The following ITGA8 variants were observed in gnomAD, a reference collection of about 807,000 sequenced individuals.
The protein encoded by ITGA8 is integrin subunit alpha 8, also known as integrin alpha-8.
ITGA8 carries 91 observed loss-of-function variants against 142.3 expected under a neutral mutation model. The observed-to-expected ratio is 0.64, with a 90% CI of 0.54 to 0.76. The LOEUF is 0.76. Ranked by LOEUF, ITGA8 falls within the 30% of genes least tolerant of loss-of-function variation. ITGA8 has a pLI of 0.00. For missense variants in ITGA8, 1,406 were observed against 1,327.7 expected (o/e 1.06, Z -0.92); for synonymous variants, 505 against 485.2 (o/e 1.04, Z -0.54).
intron 8 of ITGA8, among the ~76,000 whole-genome samples, chr10:15,662,531 G>T (rs912194039): frequency 5.9e-5 from 9 of 151,738 alleles, no homozygotes; most frequent in African/African-American, 2.2e-4. Context: ...TAGAGACAGG[G>T]TCTCACTATG....
At chr10:15,547,175 C>T (rs891121936) in intron 27 of ITGA8, among the ~76,000 whole-genome samples, 4 of 152,038 alleles carry the variant, frequency 2.6e-5, no homozygotes, top group South Asian at 2.1e-4. Context: ...AAAAAAATTC[C>T]TCCCCAAACA....
At chr10:15,536,774 C>T (rs764624342) in intron 27 of ITGA8, among the ~76,000 whole-genome samples, 13 of 152,184 alleles carry the variant, frequency 8.5e-5, no homozygotes, top group Non-Finnish European at 1.5e-4. Flanking sequence ...CTGTCTCTAT[C>T]ATGCACTTTT....
chr10:15,687,795 GT>G (rs1469098740), intron 3 of ITGA8, 142 bp downstream of exon 3: 1 of 550,696 alleles, frequency 1.8e-6, no homozygotes, highest in Admixed American at 3.1e-5. Flanking sequence ...TAAGCATTTA[GT>G]TGCTTTTAAA....
At chr10:15,549,199 C>CTTTTTTTTTTTTTTTTTTTTTTTTTTTTT (rs1564346419) in intron 26 of ITGA8, among the ~76,000 whole-genome samples, 1 of 48,848 alleles carries the variant, frequency 2.0e-5, no homozygotes, top group African/African-American at 8.7e-5. Context: ...CTTTTCTTTT[C>CTTTTTTTTTTTTTTTTTTTTTTTTTTTTT]TGTTTTTTTT....
chr10:15,625,587 G>C (rs1429483261), intron 13 of ITGA8, among the ~76,000 whole-genome samples: 1 of 152,146 alleles, frequency 6.6e-6, no homozygotes, highest in Non-Finnish European at 1.5e-5. Context: ...CTGACACCTA[G>C]CCTGACAGAT....
chr10:15,699,557 T>G (rs796677860), intron 2 of ITGA8, among the ~76,000 whole-genome samples: 6 of 152,326 alleles, frequency 3.9e-5, no homozygotes, highest in East Asian at 1.9e-4. Context: ...GTCTACATTT[T>G]ATTTATCCAT....
chr10:15,662,354 T>TA (rs869229206), intron 8 of ITGA8, among the ~76,000 whole-genome samples: 3 of 137,380 alleles, frequency 2.2e-5, no homozygotes, highest in South Asian at 2.3e-4. Context: ...TTTTTTTTTT[T>TA]AAACAGGGTC....
Position 15,676,667 on chromosome 10 carries a change from T to C in ITGA8, c.676+925A>G, listed in dbSNP as rs111868320. 4.0e-3 allele frequency among the ~76,000 whole-genome samples: 604 copies of C among 152,304 alleles called. 11 individuals carry two copies. The highest frequency in any genetic ancestry group is 0.014 in the African/African-American group (574 of 41,566). Reference sequence around the variant, plus strand: ...TGGCAGAGCCTCAACACATTGTTGATGGAGAAATGAATTGTTAAGTTGCAA... The same window carrying C: ...TGGCAGAGCCTCAACACATTGTTGACGGAGAAATGAATTGTTAAGTTGCAA... On this transcript the variant is annotated intron_variant, in intron 6 of 29. Transcript: ENST00000378076.
intron 13 of ITGA8, among the ~76,000 whole-genome samples, chr10:15,639,859 C>T (rs527624746): frequency 1.4e-4 from 22 of 152,278 alleles, no homozygotes; most frequent in Non-Finnish European, 2.1e-4. Context: ...ACCAAGGTTG[C>T]GAACCCCTGT....
chr10:15,713,083 T>A (rs1379076388), intron 2 of ITGA8, among the ~76,000 whole-genome samples: 1 of 152,234 alleles, frequency 6.6e-6, no homozygotes, highest in Non-Finnish European at 1.5e-5. Context: ...CTATGGGCTG[T>A]AGGGACCGCT....
intron 8 of ITGA8, 148 bp downstream of exon 8, chr10:15,671,455 T>G: frequency 1.7e-6 from 1 of 597,370 alleles, no homozygotes; most frequent in South Asian, 2.4e-5. Context: ...TATCAAAGTA[T>G]TTTTTCTACA....
chr10:15,694,191 A>C (rs865791844), intron 2 of ITGA8, among the ~76,000 whole-genome samples: 210 of 136,922 alleles, frequency 1.5e-3, no homozygotes, highest in East Asian at 4.4e-3. Context: ...TATCATATAT[A>C]TGATAATATA....
At chr10:15,635,776 T>G (rs1833761973) in intron 13 of ITGA8, among the ~76,000 whole-genome samples, 1 of 152,184 alleles carries the variant, frequency 6.6e-6, no homozygotes, top group Non-Finnish European at 1.5e-5. Context: ...AAAAATAAAC[T>G]TTGACTATAA....
chr10:15,554,004 A>C (rs1833841121), intron 26 of ITGA8, among the ~76,000 whole-genome samples: 1 of 152,208 alleles, frequency 6.6e-6, no homozygotes, highest in Non-Finnish European at 1.5e-5. Flanking sequence ...CAAGAAAAAA[A>C]AAAAGTTATC....
At chr10:15,588,329 G>A (rs983926378) in intron 22 of ITGA8, among the ~76,000 whole-genome samples, 1 of 152,158 alleles carries the variant, frequency 6.6e-6, no homozygotes, top group Non-Finnish European at 1.5e-5. Context: ...CAAATGTCAG[G>A]CTCATTTCCT....
chr10:15,709,179 T>C (rs1022641169), intron 2 of ITGA8, among the ~76,000 whole-genome samples: 7 of 152,238 alleles, frequency 4.6e-5, no homozygotes, highest in Non-Finnish European at 7.3e-5. Flanking sequence ...CCAACTCAGT[T>C]GACATAAAAC....
chr10:15,595,088 G>T (rs58684073), intron 21 of ITGA8, among the ~76,000 whole-genome samples: 2,794 of 152,080 alleles, frequency 0.018, 98 homozygotes, highest in African/African-American at 0.063. Context: ...AATCTTATTG[G>T]CATGTAAACA....
chr10:15,547,836 C>T (rs1833706824), intron 27 of ITGA8, among the ~76,000 whole-genome samples: 1 of 152,102 alleles, frequency 6.6e-6, no homozygotes, highest in Non-Finnish European at 1.5e-5. Flanking sequence ...ATTATGTTCT[C>T]ATACTCATCA....
At chr10:15,536,469 A>G (rs532642613) in intron 27 of ITGA8, among the ~76,000 whole-genome samples, 2 of 152,226 alleles carry the variant, frequency 1.3e-5, no homozygotes, top group Non-Finnish European at 2.9e-5. Flanking sequence ...AATTACGGGC[A>G]GAGGTGTAAT....
Sources: allele counts gnomAD v4.1 joint callset (sites outside exome capture counted in the v4.1 genomes callset), GRCh38; gene constraint gnomAD v4.1.1; transcripts MANE v1.5; gene names NCBI Gene and HGNC (gene_info 2026-07-23, HGNC 2026-07-21).